Variants in EVC2 observed in about 807,000 individuals in gnomAD.
The protein encoded by EVC2 is limbin.
EVC2 carries 148 observed loss-of-function variants against 149.3 expected under a neutral mutation model. That is an observed-to-expected ratio of 0.99 (90% CI 0.87 to 1.14). The LOEUF is 1.14. Among genes scored for constraint, EVC2 ranks in the 50% most tolerant of loss-of-function variants. The pLI, the probability that EVC2 is intolerant of heterozygous loss-of-function variation, is 0.00. For synonymous variants in EVC2, 776 were observed against 649.9 expected (o/e 1.19, Z -2.95); for missense variants, 1,854 against 1,627.3 (o/e 1.14, Z -2.40).
Position 5,679,088 on chromosome 4 carries a change from G to A in EVC2, c.870+2172C>T, listed in dbSNP as rs1355384819. On this transcript the variant is annotated intron_variant, in intron 7 of 21. Coordinates refer to ENST00000344408, the MANE Select transcript of EVC2 (RefSeq NM_147127.5). This position sits in a 1 kb window ranked among gnomAD's most constrained non-coding sequence, Gnocchi z 5.1. ...AAAAGACAAAAAAAAAAATACACTC[G>A]TATAGGAAATGTATCATAACTCGAG... Among the ~76,000 whole-genome samples, 6 of 151,876 alleles carry A rather than the reference G, an allele frequency of 4.0e-5. No individual in the cohort carries two copies. The highest frequency in any genetic ancestry group is 1.4e-4 in the African/African-American group (6 of 41,450).
At chr4:5,582,810 T>A (rs1475067469) in intron 17 of EVC2, among the ~76,000 whole-genome samples, 1 of 152,216 alleles carries the variant, frequency 6.6e-6, no homozygotes, top group Non-Finnish European at 1.5e-5. Flanking sequence ...CCTTCGGTGC[T>A]GTTCTCGTGA....
At chr4:5,565,398 G>T (rs765032859) in intron 20 of EVC2, 39 bp from the exon 21 acceptor site, 3 of 1,586,586 alleles carry the variant, frequency 1.9e-6, no homozygotes, top group Admixed American at 1.7e-5. Flanking sequence ...TCAAAAATAC[G>T]CCTGTAATCC....
downstream of EVC2, among the ~76,000 whole-genome samples, chr4:5,559,984 C>A (rs1721908334): frequency 1.3e-5 from 2 of 152,040 alleles, no homozygotes; most frequent in South Asian, 4.1e-4. This position sits in a 1 kb window ranked among gnomAD's most constrained non-coding sequence, Gnocchi z 5.0. Flanking sequence ...CCCCAACTGA[C>A]CCCTGCCAGG....
At position 5,691,253 on chromosome 4, in the gene EVC2, G is replaced by C; in HGVS notation, c.519+12C>G. 6.2e-7 allele frequency: 1 copy of C among 1,611,274 alleles called. No individual in the cohort carries two copies. The highest frequency in any genetic ancestry group is 1.1e-5 in the South Asian group (1 of 90,980). Reference sequence around the variant, plus strand: ...TTTTCTCTTCAAATATACACCACCAGTGGAAACTTACCAGTGCACATTTCT... The same window carrying C: ...TTTTCTCTTCAAATATACACCACCACTGGAAACTTACCAGTGCACATTTCT... On this transcript the variant is annotated intron_variant, in intron 4 of 21. Coordinates refer to ENST00000344408, the MANE Select transcript of EVC2 (RefSeq NM_147127.5).
At chr4:5,699,964 A>AAT (rs1721725474) in intron 1 of EVC2, among the ~76,000 whole-genome samples, 1 of 152,050 alleles carries the variant, frequency 6.6e-6, no homozygotes, top group Non-Finnish European at 1.5e-5. Context: ...CACATGGTGA[A>AAT]ACCCTGCCTC....
At chr4:5,684,345 C>G (rs954605008) in intron 6 of EVC2, among the ~76,000 whole-genome samples, 7 of 152,184 alleles carry the variant, frequency 4.6e-5, no homozygotes, top group Admixed American at 6.5e-5. Flanking sequence ...AACCACCACA[C>G]TGGCCTCGCA....
intron 21 of EVC2, among the ~76,000 whole-genome samples, chr4:5,555,395 G>A (rs1403801994): frequency 6.6e-6 from 1 of 152,116 alleles, no homozygotes; most frequent in African/African-American, 2.4e-5. Context: ...AATATATGTT[G>A]TCTACCGGAA....
At chr4:5,601,278 G>A (rs1432046765) in intron 16 of EVC2, among the ~76,000 whole-genome samples, 2 of 151,918 alleles carry the variant, frequency 1.3e-5, no homozygotes, top group African/African-American at 4.8e-5. Flanking sequence ...GAGTGAACAT[G>A]CAGGAATTTA....
At position 5,622,844 on chromosome 4, in the gene EVC2, C is replaced by T. The variant is rs767405733; in HGVS notation, c.2194G>A (p.Ala732Thr). 9.3e-6 allele frequency: 15 copies of T among 1,614,122 alleles called. No individual in the cohort carries two copies. Among genetic ancestry groups the T allele is most frequent in the Middle Eastern group, 1.6e-4 (1 of 6,062 alleles). Reference sequence around the variant, plus strand: ...GTCAGGGTCCTGAGATCGTCCAGGGCGGCCTGGTCCAGACGCTCCTGCAGC... The same window carrying T: ...GTCAGGGTCCTGAGATCGTCCAGGGTGGCCTGGTCCAGACGCTCCTGCAGC... ...EELQERLDQA[A>T]LDDLRTLTLS... is the part of the protein sequence containing the mutation. Residue 732 changes from alanine to threonine, a missense_variant, in exon 14 of 22, where the codon GCC becomes ACC. Coordinates refer to ENST00000344408, the MANE Select transcript of EVC2 (RefSeq NM_147127.5). The surrounding 1 kb of genome is among the most constrained non-coding windows in gnomAD (Gnocchi z 5.8).
rs1317049169 is a variant in EVC2 at position 5,689,251 on chromosome 4, G to A, written c.612C>T (p.Leu204=). 3 of 1,614,108 alleles carry A rather than the reference G, an allele frequency of 1.9e-6. No homozygotes were observed. The Admixed American group carries it at 5.0e-5, about 27-fold the overall frequency. The change falls in exon 5 of 22, where the codon CTC becomes CTT. Residue 204 remains leucine, a synonymous_variant. Transcript: ENST00000344408. ...TTSSANLSEL[L]LLDSIAGLTI... is the part of the protein sequence containing the mutation. Reference sequence around the variant, plus strand: ...TGAGACCAGCAATGCTGTCCAGCAAGAGCAGCTCCGAGAGGTTGGCTGACG... The same window carrying A: ...TGAGACCAGCAATGCTGTCCAGCAAAAGCAGCTCCGAGAGGTTGGCTGACG...
At chr4:5,694,715 C>T (rs2151736956) in intron 2 of EVC2, among the ~76,000 whole-genome samples, 1 of 152,268 alleles carries the variant, frequency 6.6e-6, no homozygotes, top group Admixed American at 6.5e-5. Flanking sequence ...GAGCATTTTT[C>T]AAAGCCTCGT....
At chr4:5,700,647 A>G (rs983548365) in intron 1 of EVC2, among the ~76,000 whole-genome samples, 22 of 152,132 alleles carry the variant, frequency 1.4e-4, no homozygotes, top group African/African-American at 4.8e-4. Flanking sequence ...GGCATCTCTG[A>G]TTCTTGTCCT....
chr4:5,708,845 C>G, upstream of EVC2: 2 of 244,018 alleles, frequency 8.2e-6, no homozygotes, highest in Non-Finnish European at 1.6e-5. Flanking sequence ...CTGTAAGCCT[C>G]AGCTCAGACG....
Position 5,664,844 on chromosome 4 carries a change from A to C in EVC2, c.1005+671T>G, listed in dbSNP as rs148280616. ...CCTGGGATCACTTCCCACATAAGCT[A>C]CTTGAATGGGAATTCTAGTCTCAGG... On this transcript the variant is annotated intron_variant, in intron 8 of 21. Coordinates refer to ENST00000344408, the MANE Select transcript of EVC2 (RefSeq NM_147127.5). Among the ~76,000 whole-genome samples, 18 of 152,090 alleles carry C rather than the reference A, an allele frequency of 1.2e-4. No individual in the cohort carries two copies. In the East Asian group the frequency reaches 1.7e-3, roughly 15 times the overall value.
chr4:5,649,791 A>C (rs1161334263), intron 9 of EVC2, among the ~76,000 whole-genome samples: 1 of 152,198 alleles, frequency 6.6e-6, no homozygotes, highest in Non-Finnish European at 1.5e-5. Context: ...CCTCATCAGA[A>C]GCTAATTCCA....
downstream of EVC2, among the ~76,000 whole-genome samples, chr4:5,538,468 A>G (rs1460930600): frequency 6.6e-6 from 1 of 152,154 alleles, no homozygotes; most frequent in Non-Finnish European, 1.5e-5. Flanking sequence ...AACTCATTTT[A>G]TGAGGCCAGC....
At chr4:5,651,103 A>G (rs1235699962) in intron 9 of EVC2, among the ~76,000 whole-genome samples, 4 of 152,092 alleles carry the variant, frequency 2.6e-5, no homozygotes, top group Non-Finnish European at 5.9e-5. Context: ...AGAATGGATG[A>G]ATGGATAGAC....
downstream of EVC2, among the ~76,000 whole-genome samples, chr4:5,537,784 C>T (rs1161541257): frequency 1.3e-5 from 2 of 152,032 alleles, no homozygotes; most frequent in Admixed American, 6.6e-5. Flanking sequence ...GTGGATGTCA[C>T]TAACACATTT....
In EVC2 at chr4:5,677,385, A is replaced by T. The variant is rs1577240508; in HGVS notation, c.870+3875T>A. ...TCCTGTGCATACACCTCCTCTTCCC[A>T]CTCAACAGGGAGCTCCCTGAATGTG... On this transcript the variant is annotated intron_variant, in intron 7 of 21. Coordinates refer to ENST00000344408, the MANE Select transcript of EVC2 (RefSeq NM_147127.5). The surrounding 1 kb of genome is among the most constrained non-coding windows in gnomAD (Gnocchi z 4.3). 6.6e-6 allele frequency among the ~76,000 whole-genome samples: 1 copy of T among 151,792 alleles called. No homozygotes were observed. The highest frequency in any genetic ancestry group is 2.0e-4 in the East Asian group (1 of 5,120).
Sources: allele counts gnomAD v4.1 joint callset (sites outside exome capture counted in the v4.1 genomes callset), GRCh38; gene constraint gnomAD v4.1.1; non-coding constraint Gnocchi (gnomAD v3.1); transcripts MANE v1.5; gene names NCBI Gene and HGNC (gene_info 2026-07-23, HGNC 2026-07-21).